Variants in PRSS27 observed in about 807,000 individuals in gnomAD.
The protein encoded by PRSS27 is serine protease 27, also known as channel-activating protease 2.
PRSS27 carries 25 observed loss-of-function variants against 32.0 expected under a neutral mutation model. The observed-to-expected ratio is 0.78, with a 90% CI of 0.57 to 1.09. PRSS27 has a LOEUF of 1.09. PRSS27 is among the 50% of genes least tolerant of loss of function. The pLI is 0.00. For synonymous variants in PRSS27, 178 were observed against 172.2 expected, an observed-to-expected ratio of 1.03 and a Z score of -0.26; for missense variants, 401 against 394.9, an observed-to-expected ratio of 1.02 and a Z score of -0.13.
At chr16:2,718,925 G>A (rs963430304) in intron 1 of PRSS27, among the ~76,000 whole-genome samples, 3 of 152,146 alleles carry the variant, frequency 2.0e-5, no homozygotes, top group South Asian at 2.1e-4. Context: ...CAGGGTGGGC[G>A]CCCTGTGGGG....
At position 2,713,402 on chromosome 16, in the gene PRSS27, A is replaced by C. The variant is rs111565886; in HGVS notation, c.678+127T>G. The C allele has an allele frequency of 1.8e-3, 1,909 of 1,033,134 alleles. 23 individuals are homozygous for C. The African/African-American group carries it at 0.023, about 13-fold the overall frequency. The allele number at this position is 1,033,134 out of a possible 1,614,324, so 64.0% of individuals were successfully genotyped here. A position where few individuals can be genotyped will look rare whatever the true frequency, so the allele number is the denominator to read the frequency against. ...CGTGAGCCACCACACCCGGCCCTGG[A>C]ATCTGCCTTTTCAAAACAAGCTGCT... On this transcript the variant is annotated intron_variant, in intron 5 of 5. Transcript: ENST00000302641.
chr16:2,715,944 C>T, intron 2 of PRSS27, 64 bp from the exon 3 acceptor site: 1 of 1,377,778 alleles, frequency 7.3e-7, no homozygotes, highest in Non-Finnish European at 9.8e-7. Flanking sequence ...CGAGGCCCAG[C>T]TCTCAGCCTC....
At chr16:2,719,559 G>A (rs1019099528) in intron 1 of PRSS27, among the ~76,000 whole-genome samples, 1 of 152,156 alleles carries the variant, frequency 6.6e-6, no homozygotes, top group Non-Finnish European at 1.5e-5. Context: ...AGAGGGCACG[G>A]TGGCGCATCA....
chr16:2,720,208 A>G lies in PRSS27; in HGVS notation c.-48T>C, dbSNP rs2067727389. ...CAGGGCCGTGGTCGGCGGTGGCAGA[A>G]GCGTTGGAGCACGAGCGAGGTGCAG... On this transcript the variant is annotated 5_prime_UTR_variant, in exon 1 of 6. Transcript: ENST00000302641. 2 of 1,525,242 alleles carry G rather than the reference A, an allele frequency of 1.3e-6. No individual in the cohort carries two copies. Among genetic ancestry groups the G allele is most frequent in the East Asian group, 2.4e-5 (1 of 41,842 alleles). The allele number at this position is 1,525,242 out of a possible 1,614,324, so 94.5% of individuals were successfully genotyped here.
In PRSS27 at chr16:2,712,592, G is replaced by A; in HGVS notation, c.*28C>T. The A allele has an allele frequency of 6.4e-7, 1 of 1,555,942 alleles. No individual in the cohort carries two copies. The highest frequency in any genetic ancestry group is 1.2e-5 in the South Asian group (1 of 84,506). On this transcript the variant is annotated 3_prime_UTR_variant, in exon 6 of 6. Transcript: ENST00000302641. The surrounding 1 kb of genome is among the most constrained non-coding windows in gnomAD (Gnocchi z 4.6). The stretch of plus-strand genomic sequence containing the variant: ...GCGGGCAGGCTGGGTGCAGAGCTCT[G>A]CTCAAGGGGCTCCTGGCCCCGGGGG...
At chr16:2,713,742 T>G in intron 4 of PRSS27, 44 bp from the exon 5 acceptor site, 1 of 1,601,050 alleles carries the variant, frequency 6.2e-7, no homozygotes, top group Non-Finnish European at 8.5e-7. Flanking sequence ...GACTTCCTCA[T>G]CAAGAACCCA....
In PRSS27 at chr16:2,714,333, G is replaced by C; in HGVS notation, c.240C>G (p.Thr80=). 1 of 1,612,294 alleles carries C rather than the reference G, an allele frequency of 6.2e-7. No individual in the cohort carries two copies. The highest frequency in any genetic ancestry group is 8.5e-7 in the Non-Finnish European group (1 of 1,179,984). The change falls in exon 4 of 6, where the codon ACC becomes ACG. Residue 80 remains threonine (T), a synonymous_variant. Transcript: ENST00000302641. This position sits in a 1 kb window ranked among gnomAD's most constrained non-coding sequence, Gnocchi z 4.7. ...GGACCTGGTACAGGGACGTCTCAGA[G>C]GTGCTGGCGGGAGAAACAGAGAGGC... ...VLTAAHCFRN[T]SETSLYQVLL... is the part of the protein sequence containing the mutation.
In PRSS27 at chr16:2,717,568, C is replaced by G. The variant is rs971591361; in HGVS notation, c.47-1042G>C. The stretch of plus-strand genomic sequence containing the variant: ...GGGGAGGGGTTAGAACAGCCACCTC[C>G]CCACACCTAGGCCCTCAGCTTCCCC... On this transcript the variant is annotated intron_variant, in intron 1 of 5. Transcript: ENST00000302641. The surrounding 1 kb of genome is among the most constrained non-coding windows in gnomAD (Gnocchi z 4.1). 3 of 152,460 alleles carry G rather than the reference C, an allele frequency of 2.0e-5. No individual in the cohort carries two copies. Among genetic ancestry groups the G allele is most frequent in the Non-Finnish European group, 4.4e-5 (3 of 68,292 alleles). The allele number at this position is 152,460 out of a possible 1,614,324, so 9.4% of individuals were successfully genotyped here. A position where few individuals can be genotyped will look rare whatever the true frequency, so the allele number is the denominator to read the frequency against.
rs1329644475 is a variant in PRSS27 at position 2,715,491 on chromosome 16, G to A, written c.236+227C>T. 8.1e-6 allele frequency: 4 copies of A among 493,976 alleles called. No individual in the cohort carries two copies. The East Asian group carries it at 1.1e-4, about 14-fold the overall frequency. The allele number at this position is 493,976 out of a possible 1,614,324, so 30.6% of individuals were successfully genotyped here. On this transcript the variant is annotated intron_variant, in intron 3 of 5. Transcript: ENST00000302641. Reference sequence around the variant, plus strand: ...GTGGGTGGAGGGGATGGAGGGGGTCGGGGGGCGGTGCGAGGCACCTCCCGC... The same window carrying A: ...GTGGGTGGAGGGGATGGAGGGGGTCAGGGGGCGGTGCGAGGCACCTCCCGC...
intron 4 of PRSS27, 97 bp downstream of exon 4, chr16:2,713,968 A>G (rs1157485241): frequency 3.8e-6 from 5 of 1,318,828 alleles, no homozygotes; most frequent in African/African-American, 1.5e-5. Flanking sequence ...ATGTATTAAT[A>G]TAGCAACAGG....
chr16:2,719,075 G>A (rs1193707393), intron 1 of PRSS27, among the ~76,000 whole-genome samples: 2 of 152,190 alleles, frequency 1.3e-5, no homozygotes, highest in Non-Finnish European at 2.9e-5. Flanking sequence ...TGCCACCCTC[G>A]GGCTGGGAGT....
Position 2,713,712 on chromosome 16 carries a change from G to A in PRSS27, c.509-14C>T. The A allele has an allele frequency of 6.2e-7, 1 of 1,613,842 alleles. No individual in the cohort carries two copies. The highest frequency in any genetic ancestry group is 8.5e-7 in the Non-Finnish European group (1 of 1,179,816). ...CGGGCAGGAGGTCTGGAGAGGGGCG[G>A]AACAGCCCAGGGCTCAACGGACTTC... On this transcript the variant is annotated splice_polypyrimidine_tract_variant and intron_variant, in intron 4 of 5. Coordinates refer to ENST00000302641, the MANE Select transcript of PRSS27 (RefSeq NM_031948.5).
intron 5 of PRSS27, chr16:2,713,173 A>C: frequency 2.2e-6 from 1 of 460,242 alleles, no homozygotes; most frequent in South Asian, 2.2e-5. Flanking sequence ...ATCTCGGCTC[A>C]CTGCAAGCTC....
In PRSS27 at chr16:2,716,060, C is replaced by T. The variant is rs142804576; in HGVS notation, c.74-180G>A. The stretch of plus-strand genomic sequence containing the variant: ...TGGGATACAGGCAGACCCTCCCCAG[C>T]TGCCCCCCAAAGTCTCACTCTCCTC... On this transcript the variant is annotated intron_variant, in intron 2 of 5. Coordinates refer to ENST00000302641, the MANE Select transcript of PRSS27 (RefSeq NM_031948.5). 1.5e-3 allele frequency: 856 copies of T among 569,988 alleles called. 1 individual carries two copies. The highest frequency in any genetic ancestry group is 2.7e-3 in the Admixed American group (82 of 30,474). The allele number at this position is 569,988 out of a possible 1,614,324, so 35.3% of individuals were successfully genotyped here. A position where few individuals can be genotyped will look rare whatever the true frequency, so the allele number is the denominator to read the frequency against.
intron 1 of PRSS27, 137 bp from the exon 2 acceptor site, chr16:2,716,663 A>G (rs914097938): frequency 1.1e-6 from 1 of 877,366 alleles, no homozygotes; most frequent in African/African-American, 1.7e-5. Context: ...ACCTCACCGG[A>G]GAGCCCAAGG....
At chr16:2,715,926 T>G in intron 2 of PRSS27, 46 bp from the exon 3 acceptor site, 1 of 1,476,966 alleles carries the variant, frequency 6.8e-7, no homozygotes, top group Non-Finnish European at 9.1e-7. Context: ...TGGGGCTGGT[T>G]CCATGGCCGA....
intron 5 of PRSS27, chr16:2,713,225 A>T: frequency 2.2e-6 from 1 of 459,226 alleles, no homozygotes; most frequent in Non-Finnish European, 4.0e-6. Flanking sequence ...CAGCCTCCCA[A>T]GTAGCTGGGA....
intron 1 of PRSS27, 29 bp from the exon 2 acceptor site, chr16:2,716,555 G>C (rs1027969119): frequency 6.3e-7 from 1 of 1,589,842 alleles, no homozygotes; most frequent in Non-Finnish European, 8.5e-7. Flanking sequence ...TGATCAGCCA[G>C]GCCAGCTGCA....
rs751818814 is a variant in PRSS27, at chr16:2,715,931, G to A, written c.74-51C>T. The A allele has an allele frequency of 5.7e-5, 83 of 1,454,246 alleles. 1 individual carries two copies. The South Asian group carries it at 1.0e-3, about 18-fold the overall frequency. 90.1% of individuals were successfully genotyped at this position (1,454,246 alleles called of 1,614,324 possible). On this transcript the variant is annotated intron_variant, in intron 2 of 5. Coordinates refer to ENST00000302641, the MANE Select transcript of PRSS27 (RefSeq NM_031948.5). ...GGGCGCTCACTGGGGCTGGTTCCATGGCCGAGGCCCAGCTCTCAGCCTCAC... is the reference window on the plus strand; with the variant it reads ...GGGCGCTCACTGGGGCTGGTTCCATAGCCGAGGCCCAGCTCTCAGCCTCAC...
Sources: allele counts gnomAD v4.1 joint callset (sites outside exome capture counted in the v4.1 genomes callset), GRCh38; gene constraint gnomAD v4.1.1; non-coding constraint Gnocchi (gnomAD v3.1); transcripts MANE v1.5; gene names NCBI Gene and HGNC (gene_info 2026-07-23, HGNC 2026-07-21).